Variants in MTMR12 observed in about 807,000 individuals in gnomAD.
MTMR12 encodes myotubularin related protein 12.
A neutral mutation model predicts 96.7 loss-of-function variants in MTMR12; 33 were observed. That is an observed-to-expected ratio of 0.34 (90% confidence interval 0.26 to 0.46). The LOEUF is 0.46. Among genes scored for constraint, MTMR12 ranks in the 20% least tolerant of loss-of-function variants. The pLI is 1.00. For missense variants in MTMR12, 721 were observed against 896.1 expected (o/e 0.80, Z 2.49); for synonymous variants, 298 against 327.2 (o/e 0.91, Z 0.96).
At chr5:32,231,117 C>T (rs1293448953) in intron 15 of MTMR12, among the ~76,000 whole-genome samples, 2 of 152,060 alleles carry the variant, frequency 1.3e-5, no homozygotes, top group African/African-American at 2.4e-5. Flanking sequence ...AGGCTGGGCG[C>T]AGTAGCTCAT....
chr5:32,264,106 TAC>T (rs1014054600), intron 6 of MTMR12, among the ~76,000 whole-genome samples: 5 of 152,094 alleles, frequency 3.3e-5, no homozygotes, highest in African/African-American at 1.2e-4. Flanking sequence ...TGGTTATGGG[TAC>T]ATACTTCTAT....
At position 32,235,040 on chromosome 5, in the gene MTMR12, A is replaced by G; in HGVS notation, c.1434T>C (p.Thr478=). ...GTATATACAGGCTATCTGACAAAACAGTCAGGTAAGTCTCTGTGAATTCAA... is the reference window on the plus strand; with the variant it reads ...GTATATACAGGCTATCTGACAAAACGGTCAGGTAAGTCTCTGTGAATTCAA... ...PAFEFTETYL[T]VLSDSLYIPI... The change falls in exon 14 of 16, where the codon ACT becomes ACC. Residue 478 remains threonine (T), a synonymous_variant. Transcript: ENST00000382142. 1 of 1,613,714 alleles carries G rather than the reference A, an allele frequency of 6.2e-7. No individual in the cohort carries two copies. Among genetic ancestry groups the G allele is most frequent in the Non-Finnish European group, 8.5e-7 (1 of 1,179,578 alleles).
Position 32,305,182 on chromosome 5 carries a change from C to T in MTMR12, c.81+7576G>A, listed in dbSNP as rs183946852. Among the ~76,000 whole-genome samples the T allele has an allele frequency of 2.9e-3, 445 of 152,136 alleles. 8 individuals carry two copies. Among genetic ancestry groups the T allele is most frequent in the Admixed American group, 0.02 (309 of 15,270 alleles). On this transcript the variant is annotated intron_variant, in intron 1 of 15. Coordinates refer to ENST00000382142, the MANE Select transcript of MTMR12 (RefSeq NM_001040446.3). ...TGGCTCACTGCAACCTCTGCCTCCT[C>T]GGTTCAAGAGATTCTCCTGCCTCAG...
chr5:32,273,303 A>G (rs1749911972), intron 3 of MTMR12, among the ~76,000 whole-genome samples: 1 of 152,194 alleles, frequency 6.6e-6, no homozygotes, highest in Non-Finnish European at 1.5e-5. Flanking sequence ...CAGGAGGCTG[A>G]GGTGGGAGGA....
At chr5:32,281,257 A>AAC (rs1205586790) in intron 1 of MTMR12, among the ~76,000 whole-genome samples, 3 of 149,852 alleles carry the variant, frequency 2.0e-5, no homozygotes, top group Non-Finnish European at 4.4e-5. Context: ...TTAAAAAAAA[A>AAC]AAAAAAACAA....
At chr5:32,299,454 T>A (rs1041903589) in intron 1 of MTMR12, among the ~76,000 whole-genome samples, 1 of 152,250 alleles carries the variant, frequency 6.6e-6, no homozygotes, top group African/African-American at 2.4e-5. Context: ...CACTGCTTTA[T>A]GATTTAAGCT....
chr5:32,265,367 C>T (rs921398936), intron 6 of MTMR12, among the ~76,000 whole-genome samples: 5 of 152,160 alleles, frequency 3.3e-5, no homozygotes, highest in African/African-American at 1.2e-4. Flanking sequence ...CTGCCAAGGT[C>T]GATCAAGGTA....
intron 5 of MTMR12, among the ~76,000 whole-genome samples, chr5:32,269,647 A>T (rs1749755368): frequency 6.6e-6 from 1 of 152,134 alleles, no homozygotes. Flanking sequence ...TCTAGGGAAA[A>T]TTTTAAAACA....
intron 1 of MTMR12, among the ~76,000 whole-genome samples, chr5:32,304,196 T>C (rs532065065): frequency 6.6e-6 from 1 of 152,176 alleles, no homozygotes; most frequent in East Asian, 1.9e-4. Flanking sequence ...GGCACGTGCC[T>C]GTAGTCCCAG....
In MTMR12 at chr5:32,253,721, A is replaced by G. The variant is rs146590502; in HGVS notation, c.789+1972T>C. 1.4e-4 allele frequency among the ~76,000 whole-genome samples: 21 copies of G among 152,364 alleles called. No individual in the cohort carries two copies. The East Asian group carries it at 2.9e-3, about 21-fold the overall frequency. ...CACTGCAGCTTCGAACTCCTGGCTC[A>G]AGGGATCCTCCCACCTCAGACGCCA... On this transcript the variant is annotated intron_variant, in intron 8 of 15. Transcript: ENST00000382142.
intron 1 of MTMR12, among the ~76,000 whole-genome samples, chr5:32,279,778 T>C (rs1276967875): frequency 6.6e-6 from 1 of 152,240 alleles, no homozygotes; most frequent in Non-Finnish European, 1.5e-5. Context: ...CATTAGACAT[T>C]ACTTAGATTC....
In MTMR12 at chr5:32,312,830, C is replaced by G; in HGVS notation, c.9G>C (p.Gly3=). The G allele has an allele frequency of 6.5e-7, 1 of 1,529,122 alleles. No individual in the cohort carries two copies. Among genetic ancestry groups the G allele is most frequent in the South Asian group, 1.2e-5 (1 of 84,140 alleles). The allele number at this position is 1,529,122 out of a possible 1,614,324, so 94.7% of individuals were successfully genotyped here. A position where few individuals can be genotyped will look rare whatever the true frequency, so the allele number is the denominator to read the frequency against. ML[G]KGVVGGGGGT... is the part of the protein sequence containing the mutation. The stretch of plus-strand genomic sequence containing the variant: ...CGCCGCCACCGCCGACTACTCCTTT[C>G]CCCAGCATACCGCCGCCCTGGGAAG... Residue 3 remains glycine (G), a synonymous_variant, in exon 1 of 16, where the codon GGG becomes GGC. Transcript: ENST00000382142. The surrounding 1 kb of genome is among the most constrained non-coding windows in gnomAD (Gnocchi z 5.0).
At chr5:32,283,531 G>T (rs1384097757) in intron 1 of MTMR12, among the ~76,000 whole-genome samples, 1 of 152,202 alleles carries the variant, frequency 6.6e-6, no homozygotes, top group East Asian at 1.9e-4. Flanking sequence ...TGGCACAGGT[G>T]AAAGTCAAAC....
chr5:32,238,143 C>CAAAAA (rs746835069), intron 13 of MTMR12, among the ~76,000 whole-genome samples: 10 of 58,958 alleles, frequency 1.7e-4, no homozygotes, highest in Admixed American at 2.0e-4. Context: ...GACTCCGTCT[C>CAAAAA]AAAAAAAAAA....
intron 8 of MTMR12, among the ~76,000 whole-genome samples, chr5:32,251,054 C>CTTTTT (rs1299015165): frequency 2.2e-4 from 29 of 131,010 alleles, no homozygotes; most frequent in African/African-American, 7.9e-4. Flanking sequence ...AGGTCCCTCT[C>CTTTTT]TTTTTTTTTT....
chr5:32,310,050 T>C (rs1484262443), intron 1 of MTMR12, among the ~76,000 whole-genome samples: 1 of 152,122 alleles, frequency 6.6e-6, no homozygotes, highest in Non-Finnish European at 1.5e-5. Flanking sequence ...CACGGTGGCT[T>C]ACGCCTACAA....
chr5:32,271,007 T>G, intron 4 of MTMR12, 60 bp from the exon 5 acceptor site: 1 of 1,524,602 alleles, frequency 6.6e-7, no homozygotes. Flanking sequence ...AAGTGAATGC[T>G]AAAGAAATGA....
At chr5:32,290,915 G>C (rs1357843646) in intron 1 of MTMR12, among the ~76,000 whole-genome samples, 2 of 152,186 alleles carry the variant, frequency 1.3e-5, no homozygotes, top group Non-Finnish European at 2.9e-5. Flanking sequence ...TATGGGTCAA[G>C]TCACCATGCG....
intron 1 of MTMR12, among the ~76,000 whole-genome samples, chr5:32,309,178 G>A (rs1446856383): frequency 6.6e-6 from 1 of 152,198 alleles, no homozygotes; most frequent in African/African-American, 2.4e-5. Flanking sequence ...TACAACATGT[G>A]CACTTGGTGG....
Sources: allele counts gnomAD v4.1 joint callset (sites outside exome capture counted in the v4.1 genomes callset), GRCh38; gene constraint gnomAD v4.1.1; non-coding constraint Gnocchi (gnomAD v3.1); transcripts MANE v1.5; gene names NCBI Gene and HGNC (gene_info 2026-07-23, HGNC 2026-07-21).